Variants in NFAT5 observed in about 807,000 individuals in gnomAD.
NFAT5 encodes nuclear factor of activated T cells 5.
NFAT5 carries 31 observed loss-of-function variants against 166.5 expected under a neutral mutation model. The ratio of observed to expected loss-of-function variants is 0.19; its 90% CI spans 0.14 to 0.25. NFAT5 has a LOEUF of 0.25. Among genes scored for constraint, NFAT5 ranks in the 10% least tolerant of loss-of-function variants. The pLI, the probability that NFAT5 is intolerant of heterozygous loss-of-function variation, is 1.00. For missense variants in NFAT5, 1,449 were observed against 1,821.8 expected (o/e 0.80, Z 3.72); for synonymous variants, 612 against 639.7 (o/e 0.96, Z 0.65).
intron 4 of NFAT5, chr16:69,648,922 T>C (rs2035560419): frequency 5.2e-6 from 5 of 967,994 alleles, no homozygotes; most frequent in Non-Finnish European, 6.1e-6. Context: ...AAAAGTAATA[T>C]CTACCCTTTA....
intron 9 of NFAT5, among the ~76,000 whole-genome samples, chr16:69,672,647 G>A (rs1053202741): frequency 1.3e-5 from 2 of 152,174 alleles, no homozygotes; most frequent in African/African-American, 2.4e-5. Context: ...TGTGGTCTAA[G>A]TAAGGTTCAT....
intron 2 of NFAT5, among the ~76,000 whole-genome samples, chr16:69,599,707 C>T (rs1462197774): frequency 6.6e-6 from 1 of 152,026 alleles, no homozygotes; most frequent in African/African-American, 2.4e-5. Flanking sequence ...CTAAAGGAAT[C>T]GAAGGAGTAA....
In NFAT5 at chr16:69,704,306, A is replaced by T. The variant is rs894248434; in HGVS notation, c.*7955A>T. Reference sequence around the variant, plus strand: ...AAGTATAGTACCAATAATTTCATTAACCTGTTCTCAAGTGGTTTAGCTACC... The same window carrying T: ...AAGTATAGTACCAATAATTTCATTATCCTGTTCTCAAGTGGTTTAGCTACC... On this transcript the variant is annotated 3_prime_UTR_variant, in exon 15 of 15. Transcript: ENST00000349945. 14 of 152,618 alleles carry T rather than the reference A, an allele frequency of 9.2e-5. 1 individual carries two copies. The highest frequency in any genetic ancestry group is 6.2e-4 in the South Asian group (3 of 4,832). 9.5% of individuals were successfully genotyped at this position (152,618 alleles called of 1,614,324 possible).
chr16:69,640,324 T>A (rs1030373299), intron 3 of NFAT5, among the ~76,000 whole-genome samples: 1 of 152,218 alleles, frequency 6.6e-6, no homozygotes, highest in Non-Finnish European at 1.5e-5. Flanking sequence ...TACTTTTTGT[T>A]TGTTTGTTTC....
chr16:69,659,804 A>C lies in NFAT5; in HGVS notation c.1274A>C (p.Lys425Thr), dbSNP rs1257371326. The C allele has an allele frequency of 6.2e-7, 1 of 1,614,154 alleles. No individual in the cohort carries two copies. Among genetic ancestry groups the C allele is most frequent in the Non-Finnish European group, 8.5e-7 (1 of 1,180,004 alleles). Residue 425 changes from lysine to threonine, a missense_variant, in exon 7 of 15, where the codon AAA (lysine) becomes ACA (threonine). Lys to Thr is a moderately conservative substitution (Grantham distance 78). Transcript: ENST00000349945. ...ARIGIAGSKK[K>T]STRARLVFRV... The stretch of plus-strand genomic sequence containing the variant: ...ATAGGAATTGCTGGTTCCAAGAAGA[A>C]AAGCACTCGTGCCAGATTGGTTTTT...
chr16:69,694,250 C>G lies in NFAT5; in HGVS notation c.4414+11C>G, dbSNP rs1016171735. 4 of 1,583,856 alleles carry G rather than the reference C, an allele frequency of 2.5e-6. No homozygotes were observed. The African/African-American group carries it at 5.4e-5, about 22-fold the overall frequency. ...TTGGCATTCAAAATAGTAAGAAACT[C>G]TAATTTTTCATTACTTAATTGGTCA... On this transcript the variant is annotated intron_variant, in intron 13 of 14. Transcript: ENST00000349945.
At chr16:69,677,417 C>G in intron 10 of NFAT5, 82 bp downstream of exon 10, 1 of 1,202,534 alleles carries the variant, frequency 8.3e-7, no homozygotes, top group East Asian at 2.6e-5. Flanking sequence ...GACTAGCCAA[C>G]CAAAAAGAAA....
chr16:69,656,311 G>A (rs548027762), intron 6 of NFAT5, among the ~76,000 whole-genome samples: 83 of 150,250 alleles, frequency 5.5e-4, no homozygotes, highest in African/African-American at 8.3e-4. Context: ...AAGAATTCCC[G>A]TGGTAAAGGC....
intron 7 of NFAT5, among the ~76,000 whole-genome samples, chr16:69,667,581 G>A (rs1396316365): frequency 6.6e-6 from 1 of 151,636 alleles, no homozygotes; most frequent in Non-Finnish European, 1.5e-5. Context: ...TCTAAACCTT[G>A]GGGCCTCATT....
chr16:69,645,748 C>CA (rs2035412696), intron 3 of NFAT5, among the ~76,000 whole-genome samples: 1 of 152,144 alleles, frequency 6.6e-6, no homozygotes. Flanking sequence ...ATCTTTGTCA[C>CA]ATTACCTATT....
At chr16:69,644,839 TCCTTA>T (rs1567569245) in intron 3 of NFAT5, 1 of 455,194 alleles carries the variant, frequency 2.2e-6, no homozygotes, top group African/African-American at 2.0e-5. Context: ...ATGTGCATGA[TCCTTA>T]GATTTAAAAA....
At chr16:69,601,437 G>T (rs188364263) in intron 2 of NFAT5, among the ~76,000 whole-genome samples, 2 of 152,076 alleles carry the variant, frequency 1.3e-5, no homozygotes, top group Admixed American at 1.3e-4. Flanking sequence ...GCGCAATCAC[G>T]GCTCACTGTA....
chr16:69,631,866 A>C (rs1001496980), intron 3 of NFAT5, among the ~76,000 whole-genome samples: 1 of 152,194 alleles, frequency 6.6e-6, no homozygotes, highest in Non-Finnish European at 1.5e-5. Flanking sequence ...TCTTGGTTGA[A>C]TATCTCCACT....
At chr16:69,625,441 C>T (rs931373013) in intron 2 of NFAT5, among the ~76,000 whole-genome samples, 1 of 151,658 alleles carries the variant, frequency 6.6e-6, no homozygotes, top group Non-Finnish European at 1.5e-5. Context: ...ATGCATTATG[C>T]AGTCTGATTT....
At chr16:69,648,868 A>G (rs2035556704) in intron 4 of NFAT5, 2 of 918,644 alleles carry the variant, frequency 2.2e-6, no homozygotes, top group East Asian at 1.2e-4. Context: ...AATATTCTTA[A>G]TATATATTTA....
intron 5 of NFAT5, among the ~76,000 whole-genome samples, chr16:69,653,896 T>C (rs555158787): frequency 7.9e-5 from 12 of 152,278 alleles, no homozygotes; most frequent in African/African-American, 2.9e-4. Flanking sequence ...ATAAGGTTTT[T>C]GAGATGGTTA....
intron 3 of NFAT5, among the ~76,000 whole-genome samples, chr16:69,639,270 GA>G (rs910635008): frequency 1.3e-4 from 20 of 152,038 alleles, no homozygotes; most frequent in Admixed American, 2.0e-4. Context: ...TGTTTGAATA[GA>G]AAAAAATTTT....
intron 3 of NFAT5, among the ~76,000 whole-genome samples, chr16:69,641,277 CAAAAAAAAA>C (rs60281310): frequency 1.4e-5 from 1 of 72,882 alleles, no homozygotes; most frequent in Non-Finnish European, 2.7e-5. Flanking sequence ...GACTCCGTCT[CAAAAAAAAA>C]AAAAAAAAAA....
At chr16:69,585,925 A>G (rs2032030642) in intron 2 of NFAT5, among the ~76,000 whole-genome samples, 1 of 152,210 alleles carries the variant, frequency 6.6e-6, no homozygotes, top group African/African-American at 2.4e-5. Context: ...AGTTCTGGAA[A>G]TGAATAATGG....
Sources: allele counts gnomAD v4.1 joint callset (sites outside exome capture counted in the v4.1 genomes callset), GRCh38; gene constraint gnomAD v4.1.1; transcripts MANE v1.5; gene names NCBI Gene and HGNC (gene_info 2026-07-23, HGNC 2026-07-21).